AP3B1: variants seen among roughly 807,000 people sequenced by gnomAD.
AP3B1 encodes AP-3 complex subunit beta-1.
In AP3B1, 61 loss-of-function variants were observed where a neutral mutation model predicts 132.5. That is an observed-to-expected ratio of 0.46 (90% CI 0.37 to 0.57). The LOEUF is 0.57. AP3B1 is among the 20% of genes least tolerant of loss of function. The pLI, the probability that AP3B1 is intolerant of heterozygous loss-of-function variation, is 0.00. For synonymous variants in AP3B1, 388 were observed against 438.3 expected (o/e 0.89, Z 1.43); for missense variants, 1,120 against 1,289.4 (o/e 0.87, Z 2.01).
chr5:78,269,292 A>C (rs1214377541), intron 1 of AP3B1, among the ~76,000 whole-genome samples: 5 of 152,206 alleles, frequency 3.3e-5, no homozygotes, highest in Non-Finnish European at 7.4e-5. Context: ...TTTGAGTATT[A>C]GGATACCAAC....
intron 3 of AP3B1, among the ~76,000 whole-genome samples, chr5:78,237,136 A>C (rs1746911107): frequency 6.6e-6 from 1 of 152,204 alleles, no homozygotes; most frequent in African/African-American, 2.4e-5. Flanking sequence ...TGAGTTTATA[A>C]GAACTATTTC....
intron 7 of AP3B1, among the ~76,000 whole-genome samples, chr5:78,213,170 C>T (rs1305106923): frequency 1.3e-5 from 2 of 151,996 alleles, no homozygotes; most frequent in Non-Finnish European, 2.9e-5. Flanking sequence ...TGAGCCACCG[C>T]GCCCGGCCTC....
intron 20 of AP3B1, among the ~76,000 whole-genome samples, chr5:78,108,990 A>G (rs555187626): frequency 6.6e-6 from 1 of 152,308 alleles, no homozygotes; most frequent in East Asian, 1.9e-4. Context: ...GGTTGTATTT[A>G]CTGTCGATTT....
In AP3B1 at chr5:78,002,370, T is replaced by A. The variant is rs1011067836; in HGVS notation, c.*532A>T. The A allele has an allele frequency of 2.6e-6, 1 of 383,922 alleles. No individual in the cohort carries two copies. Among genetic ancestry groups the A allele is most frequent in the African/African-American group, 2.1e-5 (1 of 48,308 alleles). 23.8% of individuals were successfully genotyped at this position (383,922 alleles called of 1,614,324 possible). A position where few individuals can be genotyped will look rare whatever the true frequency, so the allele number is the denominator to read the frequency against. On this transcript the variant is annotated 3_prime_UTR_variant, in exon 27 of 27. Coordinates refer to ENST00000255194, the MANE Select transcript of AP3B1 (RefSeq NM_003664.5). ...TATTTATCTTATTATTGAGAGATAA[T>A]TTCATGATGACAGTTATCAATAATC...
intron 3 of AP3B1, among the ~76,000 whole-genome samples, chr5:78,231,465 T>C (rs939844586): frequency 2.0e-5 from 3 of 152,092 alleles, no homozygotes; most frequent in African/African-American, 7.2e-5. Flanking sequence ...TGAGCCACCA[T>C]ACCTGGCCTA....
intron 2 of AP3B1, among the ~76,000 whole-genome samples, chr5:78,256,190 T>C (rs116269473): frequency 0.01 from 1,578 of 150,878 alleles, 29 homozygotes; most frequent in African/African-American, 0.036. Flanking sequence ...AAGAAATAAA[T>C]GAAATTGAAA....
At chr5:78,279,311 T>C (rs1354598789) in intron 1 of AP3B1, among the ~76,000 whole-genome samples, 1 of 152,170 alleles carries the variant, frequency 6.6e-6, no homozygotes, top group African/African-American at 2.4e-5. Context: ...GTGGTAGTGG[T>C]TTTATTTTCT....
intron 13 of AP3B1, among the ~76,000 whole-genome samples, chr5:78,158,057 T>C (rs185571951): frequency 1.3e-5 from 2 of 152,358 alleles, no homozygotes; most frequent in South Asian, 2.1e-4. Flanking sequence ...CCTACTCTTT[T>C]TCACTGAAAT....
intron 22 of AP3B1, among the ~76,000 whole-genome samples, chr5:78,063,944 G>C (rs1257991624): frequency 6.6e-6 from 1 of 151,720 alleles, no homozygotes; most frequent in Non-Finnish European, 1.5e-5. Context: ...TTAACACTAG[G>C]TGGAAAAGGA....
intron 7 of AP3B1, among the ~76,000 whole-genome samples, chr5:78,195,376 T>C (rs1745040598): frequency 1.3e-5 from 2 of 152,184 alleles, no homozygotes; most frequent in Non-Finnish European, 1.5e-5. Flanking sequence ...GACAGTGTGG[T>C]ATTTGTGAAA....
chr5:78,035,057 A>C (rs552964055), intron 23 of AP3B1, among the ~76,000 whole-genome samples: 8 of 152,112 alleles, frequency 5.3e-5, no homozygotes, highest in Non-Finnish European at 1.0e-4. Flanking sequence ...TTATAAAACA[A>C]AAAATAAAAT....
intron 1 of AP3B1, among the ~76,000 whole-genome samples, chr5:78,273,260 C>T (rs1210907604): frequency 6.6e-6 from 1 of 151,990 alleles, no homozygotes; most frequent in African/African-American, 2.4e-5. Context: ...CAAAAAGTAG[C>T]CAGGTGTGGT....
chr5:78,187,557 C>A (rs1466710062), intron 7 of AP3B1, among the ~76,000 whole-genome samples: 1 of 152,038 alleles, frequency 6.6e-6, no homozygotes, highest in African/African-American at 2.4e-5. Context: ...AGTAAAACTA[C>A]AAACCACTGC....
At chr5:78,039,803 G>GAAAA (rs1217620341) in intron 22 of AP3B1, among the ~76,000 whole-genome samples, 1 of 129,896 alleles carries the variant, frequency 7.7e-6, no homozygotes, top group African/African-American at 2.9e-5. Flanking sequence ...GAAAAGAAAA[G>GAAAA]AAAAAAAAAA....
At chr5:78,161,531 A>G (rs1289706494) in intron 13 of AP3B1, among the ~76,000 whole-genome samples, 1 of 151,990 alleles carries the variant, frequency 6.6e-6, no homozygotes, top group African/African-American at 2.4e-5. Context: ...TTTTAATGTC[A>G]CATTTTAAAA....
intron 26 of AP3B1, among the ~76,000 whole-genome samples, chr5:78,003,645 A>G (rs1746274009): frequency 6.6e-6 from 1 of 152,226 alleles, no homozygotes; most frequent in Non-Finnish European, 1.5e-5. Context: ...GCTAAGTGCA[A>G]CCTCACGCTT....
chr5:78,125,481 G>T (rs1487714227), intron 17 of AP3B1, among the ~76,000 whole-genome samples: 1 of 152,112 alleles, frequency 6.6e-6, no homozygotes. Flanking sequence ...GAAATACAGT[G>T]ACATGACTTG....
chr5:78,169,733 GT>G lies in AP3B1; in HGVS notation c.1168-4062del, dbSNP rs112828188. Among the ~76,000 whole-genome samples the G allele has an allele frequency of 5.7e-3, 859 of 151,246 alleles. 3 individuals carry two copies. Among genetic ancestry groups the G allele is most frequent in the East Asian group, 9.7e-3 (50 of 5,162 alleles). ...ATGAGCCACTGTGCCAAGCCCTGAA[GT>G]TTATTTATTTATTTATTTATTTATT... On this transcript the variant is annotated intron_variant, in intron 11 of 26. Transcript: ENST00000255194.
At position 78,043,741 on chromosome 5, in the gene AP3B1, T is replaced by C. The variant is rs112846925; in HGVS notation, c.2578-4467A>G. 2,771 of 404,402 alleles carry C rather than the reference T, an allele frequency of 6.9e-3. 35 individuals are homozygous for C. The highest frequency in any genetic ancestry group is 0.037 in the African/African-American group (1,757 of 47,942). 25.1% of individuals were successfully genotyped at this position (404,402 alleles called of 1,614,324 possible). ...CACAACTACTTTCTCTGCCACAAGG[T>C]AGGCAGAAAAAAAGGCAGCACCAAA... On this transcript the variant is annotated intron_variant, in intron 22 of 26. Coordinates refer to ENST00000255194, the MANE Select transcript of AP3B1 (RefSeq NM_003664.5).
Sources: allele counts gnomAD v4.1 joint callset (sites outside exome capture counted in the v4.1 genomes callset), GRCh38; gene constraint gnomAD v4.1.1; transcripts MANE v1.5; gene names NCBI Gene and HGNC (gene_info 2026-07-23, HGNC 2026-07-21).